The following KCNMA1 variants were observed in gnomAD, a reference collection of about 807,000 sequenced individuals.
KCNMA1 encodes Calcium-activated potassium channel subunit alpha-1.
In KCNMA1, 29 loss-of-function variants were observed where a neutral mutation model predicts 140.0. The observed-to-expected ratio is 0.21, with a 90% confidence interval of 0.15 to 0.28. The LOEUF is 0.28. Ranked by LOEUF, KCNMA1 falls within the 10% of genes least tolerant of loss-of-function variation. KCNMA1 has a pLI of 1.00. For missense variants in KCNMA1, 880 were observed against 1,602.2 expected (o/e 0.55, Z 7.70); for synonymous variants, 612 against 611.9 (o/e 1.00, Z 0.00).
chr10:76,901,308 T>G (rs1422777960), intron 25 of KCNMA1: 1 of 152,220 alleles, frequency 6.6e-6, no homozygotes, highest in Non-Finnish European at 1.5e-5. Context: ...TTTATTTTTA[T>G]ATGTTTCTTC....
At chr10:77,606,866 C>A (rs1186500713) in intron 1 of KCNMA1, among the ~76,000 whole-genome samples, 1 of 152,126 alleles carries the variant, frequency 6.6e-6, no homozygotes, top group African/African-American at 2.4e-5. Context: ...TACAAAGAAC[C>A]CCTCTGGGGA....
chr10:77,276,825 A>G (rs1272558620), intron 2 of KCNMA1, among the ~76,000 whole-genome samples: 1 of 152,140 alleles, frequency 6.6e-6, no homozygotes, highest in Non-Finnish European at 1.5e-5. Context: ...CAAACAAAAT[A>G]TGGTACATAT....
At chr10:77,091,987 G>A (rs957656002) in intron 9 of KCNMA1, 2 of 152,198 alleles carry the variant, frequency 1.3e-5, no homozygotes, top group African/African-American at 2.4e-5. Context: ...GACTGTTATT[G>A]TTACGGTGGT....
At chr10:77,467,757 C>T (rs974068449) in intron 1 of KCNMA1, among the ~76,000 whole-genome samples, 4 of 152,140 alleles carry the variant, frequency 2.6e-5, no homozygotes, top group African/African-American at 4.8e-5. Context: ...CTTGGCCACT[C>T]GCCGAGTTCT....
rs576636761 is a variant in KCNMA1 at position 77,166,840 on chromosome 10, A to G, written c.808+16581T>C. Among the ~76,000 whole-genome samples the G allele has an allele frequency of 7.9e-5, 12 of 152,332 alleles. No homozygotes were observed. The East Asian group carries it at 1.9e-3, about 24-fold the overall frequency. ...AATAGCCTCTTTTTAAAATTAATAC[A>G]TAGTAGATGGATGTATTTTCAGTGT... On this transcript the variant is annotated intron_variant, in intron 5 of 27. Coordinates refer to ENST00000286628, the MANE Select transcript of KCNMA1 (RefSeq NM_001161352.2).
At chr10:76,987,120 T>A (rs1204822522) in intron 19 of KCNMA1, among the ~76,000 whole-genome samples, 1 of 151,824 alleles carries the variant, frequency 6.6e-6, no homozygotes, top group Non-Finnish European at 1.5e-5. Context: ...TTCCTTGAGA[T>A]ACATGCTTAA....
intron 1 of KCNMA1, among the ~76,000 whole-genome samples, chr10:77,572,081 A>T (rs1476180603): frequency 6.6e-6 from 1 of 152,180 alleles, no homozygotes; most frequent in African/African-American, 2.4e-5. Flanking sequence ...ATTAGAACAG[A>T]GCAGAGTGGA....
At chr10:77,454,222 C>A (rs144644049) in intron 1 of KCNMA1, among the ~76,000 whole-genome samples, 64 of 152,262 alleles carry the variant, frequency 4.2e-4, no homozygotes, top group African/African-American at 1.5e-3. Context: ...CATCAAAAGA[C>A]TCCCCACTTC....
intron 1 of KCNMA1, among the ~76,000 whole-genome samples, chr10:77,554,092 A>T (rs976302258): frequency 1.3e-5 from 2 of 152,152 alleles, no homozygotes; most frequent in Admixed American, 6.5e-5. Flanking sequence ...ACTGGGCGAC[A>T]CAAGCTCTTC....
chr10:77,516,300 A>G (rs2050400550), intron 1 of KCNMA1, among the ~76,000 whole-genome samples: 1 of 150,702 alleles, frequency 6.6e-6, no homozygotes, highest in African/African-American at 2.5e-5. Flanking sequence ...AATCTGCTCC[A>G]AACTCCCCTT....
intron 1 of KCNMA1, among the ~76,000 whole-genome samples, chr10:77,447,993 A>C (rs2154517711): frequency 6.6e-6 from 1 of 152,316 alleles, no homozygotes; most frequent in South Asian, 2.1e-4. Flanking sequence ...TCATGCCTAA[A>C]ATTTTGAGCA....
intron 1 of KCNMA1, among the ~76,000 whole-genome samples, chr10:77,591,715 G>A (rs2079225428): frequency 6.6e-6 from 1 of 152,162 alleles, no homozygotes; most frequent in African/African-American, 2.4e-5. Flanking sequence ...GGCTTCCCTG[G>A]GAATGTGGTT....
At chr10:77,574,258 G>A (rs1230982817) in intron 1 of KCNMA1, among the ~76,000 whole-genome samples, 1 of 148,498 alleles carries the variant, frequency 6.7e-6, no homozygotes, top group Non-Finnish European at 1.5e-5. Flanking sequence ...ATCTATGCGT[G>A]TGTATATATA....
At chr10:77,234,145 C>T (rs2054591148) in intron 3 of KCNMA1, among the ~76,000 whole-genome samples, 1 of 152,106 alleles carries the variant, frequency 6.6e-6, no homozygotes, top group Non-Finnish European at 1.5e-5. Flanking sequence ...AGCAAGCAGA[C>T]TTTATCATAA....
chr10:77,126,717 A>ACCCCCCC (rs1249928637), intron 5 of KCNMA1, among the ~76,000 whole-genome samples: 1 of 68,418 alleles, frequency 1.5e-5, no homozygotes, highest in Admixed American at 1.5e-4. Flanking sequence ...GGTGCCCCCC[A>ACCCCCCC]CCCCCCCACC....
At position 77,474,469 on chromosome 10, in the gene KCNMA1, C is replaced by T. The variant is rs373278214; in HGVS notation, c.379-70446G>A. 4.1e-4 allele frequency among the ~76,000 whole-genome samples: 62 copies of T among 152,234 alleles called. 1 individual carries two copies. In the East Asian group the frequency reaches 7.7e-3, roughly 19 times the overall value. ...CTACAAGAGCCAAGGAGAGAGGCCT[C>T]GGAGGAAACCAATCCTGCTGGCACC... On this transcript the variant is annotated intron_variant, in intron 1 of 27. Coordinates refer to ENST00000286628, the MANE Select transcript of KCNMA1 (RefSeq NM_001161352.2).
At chr10:77,438,274 TA>T (rs1490237839) in intron 1 of KCNMA1, among the ~76,000 whole-genome samples, 1 of 152,054 alleles carries the variant, frequency 6.6e-6, no homozygotes, top group African/African-American at 2.4e-5. Flanking sequence ...ATCCAGTTTC[TA>T]AAAAACGTAG....
chr10:76,880,572 C>G (rs1311501843), downstream of KCNMA1, among the ~76,000 whole-genome samples: 6 of 152,224 alleles, frequency 3.9e-5, no homozygotes, highest in Admixed American at 1.3e-4. Flanking sequence ...ATTTTACGAA[C>G]AGATTCTCCC....
chr10:77,634,520 C>G (rs914812579), intron 1 of KCNMA1: 21 of 984,592 alleles, frequency 2.1e-5, no homozygotes, highest in African/African-American at 3.5e-5. Context: ...AATTGGAGCT[C>G]CTTGCTGAAT....
Sources: allele counts gnomAD v4.1 joint callset (sites outside exome capture counted in the v4.1 genomes callset), GRCh38; gene constraint gnomAD v4.1.1; transcripts MANE v1.5; gene names NCBI Gene and HGNC (gene_info 2026-07-23, HGNC 2026-07-21).